Variants in NIBAN1 observed in about 807,000 individuals in gnomAD.
The protein encoded by NIBAN1 is protein Niban 1.
A neutral mutation model predicts 75.1 loss-of-function variants in NIBAN1; 81 were observed. That is an observed-to-expected ratio of 1.08 (90% CI 0.90 to 1.30). The LOEUF (loss-of-function observed/expected upper bound fraction) is 1.30. NIBAN1 is among the 50% of genes most tolerant of loss of function. NIBAN1 has a pLI of 0.00. For synonymous variants in NIBAN1, 436 were observed against 424.8 expected (o/e 1.03, Z -0.32); for missense variants, 1,133 against 1,128.1 (o/e 1.00, Z -0.06).
chr1:184,899,928 C>T (rs1176129395), intron 1 of NIBAN1, among the ~76,000 whole-genome samples: 5 of 151,760 alleles, frequency 3.3e-5, no homozygotes, highest in South Asian at 2.1e-4. Flanking sequence ...GCGATTCTCC[C>T]GCCTCAGCCT....
At chr1:184,959,004 A>C (rs1483828227) in intron 1 of NIBAN1, among the ~76,000 whole-genome samples, 1 of 152,238 alleles carries the variant, frequency 6.6e-6, no homozygotes, top group Non-Finnish European at 1.5e-5. Flanking sequence ...AAACGCATTC[A>C]ATCCAAATTT....
At chr1:184,875,871 GT>G (rs796244360) in intron 5 of NIBAN1, among the ~76,000 whole-genome samples, 1 of 152,114 alleles carries the variant, frequency 6.6e-6, no homozygotes, top group Non-Finnish European at 1.5e-5. Flanking sequence ...CCAAATCTGT[GT>G]TTTTTTAAGG....
At position 184,974,398 on chromosome 1, in the gene NIBAN1, C is replaced by A. The variant is rs1337058534; in HGVS notation, c.-42G>T. On this transcript the variant is annotated 5_prime_UTR_variant, in exon 1 of 14. Transcript: ENST00000367511. Reference sequence around the variant, plus strand: ...TGCTGAGCGCGGAAACTGCCCGGTCCGCGCCCGCTGCTAGCTCCTGGAGGT... The same window carrying A: ...TGCTGAGCGCGGAAACTGCCCGGTCAGCGCCCGCTGCTAGCTCCTGGAGGT... 5.8e-6 allele frequency: 9 copies of A among 1,538,512 alleles called. No homozygotes were observed. In the Admixed American group the frequency reaches 1.6e-4, roughly 27 times the overall value.
At position 184,854,380 on chromosome 1, in the gene NIBAN1, T is replaced by C. The variant is rs1448613109; in HGVS notation, c.602-22418A>G. On this transcript the variant is annotated intron_variant, in intron 5 of 13. Transcript: ENST00000367511. ...GAAACTTGACTTTTTCTATAATTCA[T>C]CAATTACATACATAGCACAGCTTAT... Among the ~76,000 whole-genome samples the C allele has an allele frequency of 2.0e-5, 3 of 152,344 alleles. No homozygotes were observed. The East Asian group carries it at 5.8e-4, about 29-fold the overall frequency.
At chr1:184,899,412 C>A in intron 1 of NIBAN1, 103 bp from the exon 2 acceptor site, 1 of 1,196,428 alleles carries the variant, frequency 8.4e-7, no homozygotes. Flanking sequence ...TTCTATCCCT[C>A]CAGTCACCCC....
chr1:184,873,514 T>C (rs1656162366), intron 5 of NIBAN1, among the ~76,000 whole-genome samples: 1 of 152,188 alleles, frequency 6.6e-6, no homozygotes, highest in Non-Finnish European at 1.5e-5. Context: ...GAGAATATTC[T>C]TATCACCAGA....
At chr1:184,868,031 T>C in intron 5 of NIBAN1, 1 of 985,476 alleles carries the variant, frequency 1.0e-6, no homozygotes, top group African/African-American at 1.7e-5. Context: ...GGTGATTGCA[T>C]GAGCCATGCC....
intron 1 of NIBAN1, among the ~76,000 whole-genome samples, chr1:184,940,964 G>A (rs1658074886): frequency 6.6e-6 from 1 of 152,226 alleles, no homozygotes; most frequent in African/African-American, 2.4e-5. Flanking sequence ...AGGTACAACA[G>A]AGAAGGCATC....
chr1:184,853,820 C>T (rs1323489350), intron 5 of NIBAN1, among the ~76,000 whole-genome samples: 1 of 152,176 alleles, frequency 6.6e-6, no homozygotes, highest in African/African-American at 2.4e-5. Context: ...TCTTAAAGCC[C>T]TCTCCCAGGG....
chr1:184,967,894 T>C (rs1296859111), intron 1 of NIBAN1, among the ~76,000 whole-genome samples: 1 of 152,212 alleles, frequency 6.6e-6, no homozygotes, highest in Non-Finnish European at 1.5e-5. Context: ...TCTGTCTTTG[T>C]GGTTGACTCT....
chr1:184,937,110 G>T (rs1657981954), intron 1 of NIBAN1, among the ~76,000 whole-genome samples: 2 of 147,022 alleles, frequency 1.4e-5, no homozygotes, highest in Admixed American at 6.7e-5. Context: ...TGAGGACCTT[G>T]GTATTCATTG....
rs1266600239 is a variant in NIBAN1, at chr1:184,917,227, T to C, written c.56-17918A>G. On this transcript the variant is annotated intron_variant, in intron 1 of 13. Transcript: ENST00000367511. ...CTTTTTTTTTTTTTTTTCTTTGAGA[T>C]GAAGTCTCACTCTGTCGCCCAGGCT... Among the ~76,000 whole-genome samples the C allele has an allele frequency of 2.7e-5, 4 of 149,574 alleles. No individual in the cohort carries two copies. In the East Asian group the frequency reaches 7.9e-4, roughly 30 times the overall value.
chr1:184,814,516 T>C (rs998249211), intron 9 of NIBAN1, among the ~76,000 whole-genome samples: 3 of 152,216 alleles, frequency 2.0e-5, no homozygotes, highest in African/African-American at 4.8e-5. Flanking sequence ...AGACAGTCAG[T>C]TGGCCTCATG....
chr1:184,856,741 C>A (rs1304181694), intron 5 of NIBAN1, among the ~76,000 whole-genome samples: 3 of 152,134 alleles, frequency 2.0e-5, no homozygotes, highest in African/African-American at 2.4e-5. Context: ...ATAATAAATC[C>A]ACCACCTGTT....
intron 1 of NIBAN1, among the ~76,000 whole-genome samples, chr1:184,940,143 G>T (rs947295034): frequency 6.6e-6 from 1 of 152,100 alleles, no homozygotes; most frequent in Admixed American, 6.5e-5. Context: ...GGCTAAGTGG[G>T]GATTCTGGCC....
At chr1:184,823,103 A>G (rs1654747342) in intron 8 of NIBAN1, 64 bp downstream of exon 8, 4 of 1,542,186 alleles carry the variant, frequency 2.6e-6, no homozygotes, top group South Asian at 1.2e-5. Flanking sequence ...CATTCCTGCT[A>G]TGTGGTGGAT....
chr1:184,799,776 C>T (rs1232701971), intron 12 of NIBAN1, among the ~76,000 whole-genome samples: 2 of 69,386 alleles, frequency 2.9e-5, no homozygotes, highest in Non-Finnish European at 4.8e-5. Flanking sequence ...GACGGAGTCT[C>T]GCTCTGTCGC....
chr1:184,877,545 G>A (rs1019592090), intron 5 of NIBAN1, among the ~76,000 whole-genome samples: 3 of 152,030 alleles, frequency 2.0e-5, no homozygotes, highest in Non-Finnish European at 4.4e-5. Flanking sequence ...CCCGTATCAC[G>A]TTCTCTAAGC....
At chr1:184,866,072 G>A (rs1012464630) in intron 5 of NIBAN1, among the ~76,000 whole-genome samples, 1 of 152,048 alleles carries the variant, frequency 6.6e-6, no homozygotes, top group Non-Finnish European at 1.5e-5. Flanking sequence ...AAATGAGTAT[G>A]TGCTTACTAC....
Sources: gnomAD v4.1 joint callset for allele counts (sites outside exome capture counted in the v4.1 genomes callset) on GRCh38, gnomAD v4.1.1 for gene constraint, MANE v1.5 for transcripts, NCBI Gene and HGNC (gene_info 2026-07-23, HGNC 2026-07-21) for gene names.